NR6A1: variants seen among roughly 807,000 people sequenced by gnomAD.
NR6A1 encodes the protein retinoic acid receptor-related testis-associated receptor.
A neutral mutation model predicts 59.1 loss-of-function variants in NR6A1; 7 were observed. The observed-to-expected ratio is 0.12, with a 90% CI of 0.07 to 0.22. NR6A1 has a LOEUF of 0.22. Among genes scored for constraint, NR6A1 ranks in the 10% least tolerant of loss-of-function variants. NR6A1 has a pLI of 1.00. For missense variants in NR6A1, 468 were observed against 611.6 expected (o/e 0.77, Z 2.48); for synonymous variants, 243 against 236.1 (o/e 1.03, Z -0.27).
At chr9:124,579,510 T>C (rs1327888336) in intron 2 of NR6A1, among the ~76,000 whole-genome samples, 2 of 152,088 alleles carry the variant, frequency 1.3e-5, no homozygotes, top group African/African-American at 4.8e-5. Context: ...TGAGTCATGG[T>C]AATGCCACTG....
At chr9:124,661,109 C>T (rs1423623009) in intron 2 of NR6A1, among the ~76,000 whole-genome samples, 2 of 151,962 alleles carry the variant, frequency 1.3e-5, no homozygotes, top group African/African-American at 4.8e-5. Context: ...AGAAAACTTC[C>T]GAGTTCTGGG....
At chr9:124,735,584 A>G (rs532809593) in intron 1 of NR6A1, among the ~76,000 whole-genome samples, 1 of 152,338 alleles carries the variant, frequency 6.6e-6, no homozygotes, top group Admixed American at 6.5e-5. Flanking sequence ...AGTCTAAATG[A>G]GGAGACTGGA....
At position 124,696,197 on chromosome 9, in the gene NR6A1, T is replaced by A. The variant is rs540666845; in HGVS notation, c.142+37111A>T. Among the ~76,000 whole-genome samples the A allele has an allele frequency of 2.6e-5, 4 of 152,124 alleles. No homozygotes were observed. In the South Asian group the frequency reaches 8.3e-4, roughly 32 times the overall value. On this transcript the variant is annotated intron_variant, in intron 2 of 9. Coordinates refer to ENST00000487099, the MANE Select transcript of NR6A1 (RefSeq NM_033334.4). ...TAGTCCAACAGAGAGCCGTTTTAAA[T>A]GCTAAACTCAGCAAGGAGACAATGA...
At chr9:124,564,681 C>CTGTGTGTGTGTGTGTGTGTG (rs56301413) in intron 2 of NR6A1, among the ~76,000 whole-genome samples, 80 of 149,396 alleles carry the variant, frequency 5.4e-4, no homozygotes, top group African/African-American at 1.9e-3. Flanking sequence ...AATCCACACT[C>CTGTGTGTGTGTGTGTGTGTG]TGTGTGTGTG....
chr9:124,737,180 TA>T (rs145425596), intron 1 of NR6A1, among the ~76,000 whole-genome samples: 1 of 152,074 alleles, frequency 6.6e-6, no homozygotes, highest in African/African-American at 2.4e-5. Context: ...ATATTCACAC[TA>T]AAAAAAATCC....
chr9:124,748,743 T>A (rs928543721), intron 1 of NR6A1, among the ~76,000 whole-genome samples: 1 of 151,530 alleles, frequency 6.6e-6, no homozygotes, highest in African/African-American at 2.4e-5. Context: ...CAGGCGCCTG[T>A]AGTCCCAGCT....
At chr9:124,593,538 G>A (rs1353425198) in intron 2 of NR6A1, among the ~76,000 whole-genome samples, 5 of 152,194 alleles carry the variant, frequency 3.3e-5, no homozygotes, top group African/African-American at 4.8e-5. Flanking sequence ...GTATTAGCAT[G>A]AGGACAAAAG....
At chr9:124,537,765 T>G (rs1214821113) in intron 6 of NR6A1, among the ~76,000 whole-genome samples, 5 of 152,084 alleles carry the variant, frequency 3.3e-5, no homozygotes, top group Non-Finnish European at 7.4e-5. Flanking sequence ...ATATAACTAT[T>G]CCCAGAATTA....
rs540209746 is a variant in NR6A1, at chr9:124,754,591, C to G, written c.100+16429G>C. On this transcript the variant is annotated intron_variant, in intron 1 of 9. Coordinates refer to ENST00000487099, the MANE Select transcript of NR6A1 (RefSeq NM_033334.4). ...AATGATGTATAGGAAACGGGAAAAA[C>G]AAAAAGGAAAAAAATGGTGGGGAGC... Among the ~76,000 whole-genome samples the G allele has an allele frequency of 6.0e-4, 91 of 151,728 alleles. 1 individual carries two copies. In the South Asian group the frequency reaches 0.018, roughly 31 times the overall value.
intron 2 of NR6A1, among the ~76,000 whole-genome samples, chr9:124,687,849 T>C (rs1838388174): frequency 6.6e-6 from 1 of 152,180 alleles, no homozygotes; most frequent in Admixed American, 6.5e-5. Context: ...GACAATTTCT[T>C]TTAGAAGAGG....
chr9:124,703,842 T>A (rs1038347049), intron 2 of NR6A1, among the ~76,000 whole-genome samples: 1 of 147,086 alleles, frequency 6.8e-6, no homozygotes, highest in Non-Finnish European at 1.5e-5. Context: ...TTTTTTTTTT[T>A]AAGATGGTAG....
At chr9:124,530,671 T>C (rs1469285420) in intron 7 of NR6A1, among the ~76,000 whole-genome samples, 2 of 152,198 alleles carry the variant, frequency 1.3e-5, no homozygotes. Context: ...CTCTTTTTCA[T>C]TGATCTAAAT....
At chr9:124,567,913 T>G (rs1441406178) in intron 2 of NR6A1, among the ~76,000 whole-genome samples, 2 of 148,792 alleles carry the variant, frequency 1.3e-5, no homozygotes, top group African/African-American at 4.9e-5. Context: ...CGGTGGCTCA[T>G]GCCTGTAATC....
At chr9:124,572,571 G>A (rs750329766) in intron 2 of NR6A1, among the ~76,000 whole-genome samples, 21 of 152,188 alleles carry the variant, frequency 1.4e-4, no homozygotes, top group Non-Finnish European at 2.8e-4. Flanking sequence ...ATCAAACCTG[G>A]TTTCTTGCCC....
chr9:124,700,805 G>C (rs900952100), intron 2 of NR6A1, among the ~76,000 whole-genome samples: 8 of 143,038 alleles, frequency 5.6e-5, no homozygotes, highest in African/African-American at 2.1e-4. Context: ...CTGTGGCTCA[G>C]GCTGGAGTGC....
At chr9:124,769,782 T>C (rs1223543939) in intron 1 of NR6A1, among the ~76,000 whole-genome samples, 2 of 152,156 alleles carry the variant, frequency 1.3e-5, no homozygotes, top group African/African-American at 4.8e-5. Context: ...GCCGGAGCGT[T>C]TGCCGGCCGG....
At chr9:124,535,758 G>A (rs1833242701) in intron 7 of NR6A1, 120 bp downstream of exon 7, 3 of 1,251,270 alleles carry the variant, frequency 2.4e-6, no homozygotes, top group Non-Finnish European at 1.1e-6. Flanking sequence ...GCAGAGTGAG[G>A]ATTCAAATCC....
chr9:124,581,590 C>CA (rs1383206774), intron 2 of NR6A1, among the ~76,000 whole-genome samples: 1 of 151,890 alleles, frequency 6.6e-6, no homozygotes, highest in Admixed American at 6.6e-5. Context: ...GACTCCGTCT[C>CA]AAAAAACAAA....
chr9:124,761,510 T>C (rs915256391), intron 1 of NR6A1, among the ~76,000 whole-genome samples: 2 of 152,204 alleles, frequency 1.3e-5, no homozygotes, highest in Non-Finnish European at 2.9e-5. Context: ...TGACTTACAC[T>C]AAAATGTTAC....
Sources: allele counts gnomAD v4.1 joint callset (sites outside exome capture counted in the v4.1 genomes callset), GRCh38; gene constraint gnomAD v4.1.1; transcripts MANE v1.5; gene names NCBI Gene and HGNC (gene_info 2026-07-23, HGNC 2026-07-21).